Variants in RAP1GAP observed in about 807,000 individuals in gnomAD.
The protein encoded by RAP1GAP is rap1 GTPase-activating protein 1.
Under a neutral mutation model 87.2 loss-of-function variants are expected in RAP1GAP, and 35 were observed. That is an observed-to-expected ratio of 0.40 (90% CI 0.31 to 0.53). The LOEUF is 0.53. Among genes scored for constraint, RAP1GAP ranks in the 20% least tolerant of loss-of-function variants. The pLI, the probability that RAP1GAP is intolerant of heterozygous loss-of-function variation, is 0.48. For synonymous variants in RAP1GAP, 375 were observed against 363.9 expected (o/e 1.03, Z -0.35); for missense variants, 734 against 898.9 (o/e 0.82, Z 2.35).
In RAP1GAP at chr1:21,626,286, A is replaced by G. The variant is rs114302117; in HGVS notation, c.-19+18T>C. On this transcript the variant is annotated intron_variant, in intron 3 of 24. Transcript: ENST00000374765. ...AGGGGGCAGACCAGGGGCCGTAGGT[A>G]TGGAGGGGGACACTTACCTTAGGGT... 9.1e-4 allele frequency: 1,430 copies of G among 1,570,776 alleles called. 14 individuals carry two copies. The African/African-American group carries it at 0.017, about 19-fold the overall frequency.
intron 1 of RAP1GAP, among the ~76,000 whole-genome samples, chr1:21,661,340 A>G (rs567345178): frequency 1.3e-5 from 2 of 152,092 alleles, no homozygotes; most frequent in South Asian, 4.2e-4. Flanking sequence ...CTCATGACCT[A>G]ATCTCTGACC....
chr1:21,657,406 A>G (rs778907972), intron 1 of RAP1GAP, among the ~76,000 whole-genome samples: 10 of 152,274 alleles, frequency 6.6e-5, no homozygotes, highest in African/African-American at 9.6e-5. Flanking sequence ...TTATGTTCAT[A>G]CAATATACAC....
chr1:21,602,764 G>A, intron 19 of RAP1GAP, 40 bp downstream of exon 19: 1 of 1,532,980 alleles, frequency 6.5e-7, no homozygotes, highest in South Asian at 1.2e-5. Flanking sequence ...CTCAGGGATG[G>A]GGATGCAGGG....
At chr1:21,635,834 CA>C (rs1040949194) in intron 2 of RAP1GAP, among the ~76,000 whole-genome samples, 3 of 152,252 alleles carry the variant, frequency 2.0e-5, no homozygotes, top group African/African-American at 7.2e-5. Flanking sequence ...ATTAAGTCAC[CA>C]TAACCTCTCC....
chr1:21,652,367 A>T (rs1027795005), intron 1 of RAP1GAP, among the ~76,000 whole-genome samples: 2 of 152,186 alleles, frequency 1.3e-5, no homozygotes, highest in Non-Finnish European at 2.9e-5. Flanking sequence ...CACGCACGTA[A>T]AGCGCTCGGC....
At chr1:21,637,147 T>TTA (rs1196211663) in intron 2 of RAP1GAP, among the ~76,000 whole-genome samples, 4 of 130,026 alleles carry the variant, frequency 3.1e-5, no homozygotes, top group Non-Finnish European at 6.8e-5. Context: ...TTTTTTTTCT[T>TTA]TTTTTTTTTT....
chr1:21,613,741 C>G lies in RAP1GAP; in HGVS notation c.396-35G>C. On this transcript the variant is annotated intron_variant, in intron 8 of 24. Transcript: ENST00000374765. This position sits in a 1 kb window ranked among gnomAD's most constrained non-coding sequence, Gnocchi z 4.7. ...GAAAGTCACACGATGAAGGCCTGGG[C>G]AGCAGGACAGGAAAATGGGAACCCC... 1.3e-6 allele frequency: 2 copies of G among 1,571,018 alleles called. No individual in the cohort carries two copies. The highest frequency in any genetic ancestry group is 1.8e-6 in the Non-Finnish European group (2 of 1,142,166).
Position 21,669,329 on chromosome 1 carries a change from G to A in RAP1GAP, c.-224C>T, listed in dbSNP as rs1397780879. The A allele has an allele frequency of 1.8e-6, 2 of 1,088,878 alleles. No individual in the cohort carries two copies. The highest frequency in any genetic ancestry group is 2.2e-4 in the East Asian group (2 of 9,274). 67.5% of individuals were successfully genotyped at this position (1,088,878 alleles called of 1,614,324 possible). On this transcript the variant is annotated 5_prime_UTR_variant, in exon 1 of 25. Transcript: ENST00000374765. This position sits in a 1 kb window ranked among gnomAD's most constrained non-coding sequence, Gnocchi z 5.6. ...GCCGCCGCTGCAGCTCTGCTCAGAT[G>A]CGGCCGGCGCTCGCCGCCGCCGCAG...
In RAP1GAP at chr1:21,615,093, G is replaced by A. The variant is rs956769079; in HGVS notation, c.292-1004C>T. Among the ~76,000 whole-genome samples, 2 of 152,324 alleles carry A rather than the reference G, an allele frequency of 1.3e-5. No homozygotes were observed. The highest frequency in any genetic ancestry group is 1.9e-4 in the East Asian group (1 of 5,166). On this transcript the variant is annotated intron_variant, in intron 7 of 24. Coordinates refer to ENST00000374765, the MANE Select transcript of RAP1GAP (RefSeq NM_002885.4). The surrounding 1 kb of genome is among the most constrained non-coding windows in gnomAD (Gnocchi z 4.5). Reference sequence around the variant, plus strand: ...AATGCTTGACATCATCCAGCAGAGAGGGAGTGGCAGGCACTTGATAAGGAG... The same window carrying A: ...AATGCTTGACATCATCCAGCAGAGAAGGAGTGGCAGGCACTTGATAAGGAG...
chr1:21,608,742 C>T (rs984334531), intron 16 of RAP1GAP, 108 bp downstream of exon 16: 4 of 1,154,832 alleles, frequency 3.5e-6, no homozygotes, highest in Non-Finnish European at 2.6e-6. Flanking sequence ...CAGGTGTCCC[C>T]GCTAAGGCCA....
intron 1 of RAP1GAP, chr1:21,665,356 A>C: frequency 2.4e-6 from 1 of 421,094 alleles, no homozygotes; most frequent in Admixed American, 2.4e-5. Flanking sequence ...TTTGAGCCTC[A>C]CCTCCTCATC....
chr1:21,635,607 C>T (rs1444130970), intron 2 of RAP1GAP, among the ~76,000 whole-genome samples: 1 of 152,212 alleles, frequency 6.6e-6, no homozygotes. Flanking sequence ...ATCCTTTCCT[C>T]CCGCTCTGCA....
At chr1:21,631,192 C>T (rs543777369) in intron 2 of RAP1GAP, among the ~76,000 whole-genome samples, 115 of 152,340 alleles carry the variant, frequency 7.5e-4, no homozygotes, top group Middle Eastern at 6.8e-3. Context: ...CAAAAACCAT[C>T]CAACCCCCTG....
At chr1:21,628,141 C>T (rs1229082967) in intron 2 of RAP1GAP, among the ~76,000 whole-genome samples, 1 of 152,162 alleles carries the variant, frequency 6.6e-6, no homozygotes, top group Non-Finnish European at 1.5e-5. Flanking sequence ...TTGGGAGTCA[C>T]TGAAGGGTTG....
At chr1:21,658,022 C>T (rs1221047653) in intron 1 of RAP1GAP, among the ~76,000 whole-genome samples, 1 of 152,154 alleles carries the variant, frequency 6.6e-6, no homozygotes, top group Non-Finnish European at 1.5e-5. Flanking sequence ...TCGCCACTGT[C>T]ATTCAGTGGG....
At chr1:21,639,332 G>A (rs1353833897) in intron 2 of RAP1GAP, among the ~76,000 whole-genome samples, 1 of 152,162 alleles carries the variant, frequency 6.6e-6, no homozygotes, top group Non-Finnish European at 1.5e-5. Context: ...TTTGTGGATG[G>A]ATTTGGCATT....
intron 11 of RAP1GAP, 86 bp from the exon 12 acceptor site, chr1:21,611,902 A>G (rs1206379412): frequency 1.3e-6 from 2 of 1,500,012 alleles, no homozygotes; most frequent in Non-Finnish European, 1.9e-6. Context: ...AGAGGGCCGG[A>G]GGGAGGACCT....
At chr1:21,667,977 G>T (rs74605445) in intron 1 of RAP1GAP, among the ~76,000 whole-genome samples, 547 of 152,272 alleles carry the variant, frequency 3.6e-3, no homozygotes, top group Non-Finnish European at 5.6e-3. Context: ...GGAATGGGGG[G>T]CCCCCATGGC....
Position 21,665,085 on chromosome 1 carries a change from C to T in RAP1GAP, c.-149+4169G>A, listed in dbSNP as rs143167231. The T allele has an allele frequency of 9.7e-4, 307 of 317,420 alleles. 2 individuals carry two copies. Among genetic ancestry groups the T allele is most frequent in the African/African-American group, 5.6e-3 (263 of 46,726 alleles). 19.7% of individuals were successfully genotyped at this position (317,420 alleles called of 1,614,324 possible). A position where few individuals can be genotyped will look rare whatever the true frequency, so the allele number is the denominator to read the frequency against. ...GACCCAGCAGAATGCCTAGGATAAG[C>T]TGGGCACTGCCCTCAGTGTTTGCTT... On this transcript the variant is annotated intron_variant, in intron 1 of 24. Transcript: ENST00000374765.
Sources: allele counts gnomAD v4.1 joint callset (sites outside exome capture counted in the v4.1 genomes callset), GRCh38; gene constraint gnomAD v4.1.1; non-coding constraint Gnocchi (gnomAD v3.1); transcripts MANE v1.5; gene names NCBI Gene and HGNC (gene_info 2026-07-23, HGNC 2026-07-21).